BICDL1: variants seen among roughly 807,000 people sequenced by gnomAD.
The protein encoded by BICDL1 is BICD family-like cargo adapter 1.
In BICDL1, 20 loss-of-function variants were observed where a neutral mutation model predicts 76.8. That is an observed-to-expected ratio of 0.26 (90% CI 0.18 to 0.38). The LOEUF is 0.38. Ranked by LOEUF, BICDL1 falls within the 10% of genes least tolerant of loss-of-function variation. The pLI is 1.00. For missense variants in BICDL1, 700 were observed against 798.6 expected (o/e 0.88, Z 1.49); for synonymous variants, 383 against 337.1 (o/e 1.14, Z -1.49).
intron 1 of BICDL1, among the ~76,000 whole-genome samples, chr12:119,995,569 G>C (rs1026161123): frequency 6.6e-6 from 1 of 152,128 alleles, no homozygotes; most frequent in African/African-American, 2.4e-5. Flanking sequence ...CTGAGTTCTT[G>C]CCATTGCCTT....
chr12:120,086,780 C>T (rs1295176235), intron 8 of BICDL1, among the ~76,000 whole-genome samples: 1 of 152,172 alleles, frequency 6.6e-6, no homozygotes, highest in African/African-American at 2.4e-5. Flanking sequence ...TTATTCGAGC[C>T]CTTGGAATAT....
At chr12:120,076,619 TTC>T (rs778873671) in intron 7 of BICDL1, among the ~76,000 whole-genome samples, 8 of 152,226 alleles carry the variant, frequency 5.3e-5, no homozygotes, top group Non-Finnish European at 1.0e-4. Context: ...TTGCTGTGGA[TTC>T]TCTTTCAAAT....
intron 7 of BICDL1, among the ~76,000 whole-genome samples, 188 bp downstream of exon 7, chr12:120,074,774 C>A (rs571504831): frequency 9.2e-5 from 14 of 152,324 alleles, no homozygotes; most frequent in Non-Finnish European, 2.1e-4. Flanking sequence ...AGTCCTTTAG[C>A]CCAAAGTAAA....
intron 2 of BICDL1, among the ~76,000 whole-genome samples, chr12:120,023,799 A>G (rs1451638283): frequency 6.6e-6 from 1 of 151,876 alleles, no homozygotes; most frequent in Non-Finnish European, 1.5e-5. Context: ...CGAAAAAAAA[A>G]AAGGAAAAAA....
chr12:120,023,121 A>G (rs1182476511), intron 2 of BICDL1, among the ~76,000 whole-genome samples: 1 of 152,230 alleles, frequency 6.6e-6, no homozygotes, highest in Non-Finnish European at 1.5e-5. Flanking sequence ...GACCAGGGGT[A>G]TCCAATCTTT....
At chr12:120,012,111 T>G (rs1328881627) in intron 2 of BICDL1, among the ~76,000 whole-genome samples, 1 of 152,224 alleles carries the variant, frequency 6.6e-6, no homozygotes, top group African/African-American at 2.4e-5. Flanking sequence ...ATATTCATCC[T>G]TCTCTGGGAC....
At chr12:120,090,272 G>C (rs1228272972) in intron 9 of BICDL1, 9 of 601,694 alleles carry the variant, frequency 1.5e-5, no homozygotes, top group Non-Finnish European at 1.9e-5. Context: ...TTGAGCGACA[G>C]TGCCCAGGCT....
intron 2 of BICDL1, among the ~76,000 whole-genome samples, chr12:120,020,941 G>A (rs977483262): frequency 1.4e-5 from 2 of 146,010 alleles, no homozygotes; most frequent in Non-Finnish European, 2.9e-5. Context: ...GGCCATCTTT[G>A]TATGGCCCTT....
At chr12:120,042,342 T>C (rs1031833264) in intron 2 of BICDL1, among the ~76,000 whole-genome samples, 3 of 152,036 alleles carry the variant, frequency 2.0e-5, no homozygotes, top group Non-Finnish European at 4.4e-5. Context: ...GATTCCTGTT[T>C]GGGGCCCAAA....
Position 120,086,984 on chromosome 12 carries a change from C to T in BICDL1, c.1584-2967C>T, listed in dbSNP as rs189164166. On this transcript the variant is annotated intron_variant, in intron 8 of 9. Transcript: ENST00000548673. ...CCCCACCATGCCCGGCGCTGCGCCG[C>T]GGCTGTAGCCCTGGGCCCATCTGTC... Among the ~76,000 whole-genome samples, 594 of 152,306 alleles carry T rather than the reference C, an allele frequency of 3.9e-3. 2 individuals carry two copies. Among genetic ancestry groups the T allele is most frequent in the African/African-American group, 0.011 (475 of 41,558 alleles).
chr12:120,070,754 G>T (rs1594196755), intron 4 of BICDL1, among the ~76,000 whole-genome samples: 1 of 148,138 alleles, frequency 6.8e-6, no homozygotes, highest in African/African-American at 2.5e-5. Flanking sequence ...TTTTTGAGAC[G>T]GAGTTTCATT....
chr12:119,990,337 C>G (rs1007105444), intron 1 of BICDL1, 40 bp downstream of exon 1: 1 of 1,542,720 alleles, frequency 6.5e-7, no homozygotes, highest in African/African-American at 1.4e-5. Context: ...GAGCAGGGGC[C>G]GCCCAGGCAC....
At chr12:120,038,367 G>T (rs1039814901) in intron 2 of BICDL1, among the ~76,000 whole-genome samples, 13 of 152,096 alleles carry the variant, frequency 8.5e-5, no homozygotes, top group African/African-American at 2.9e-4. Flanking sequence ...TCAGTAATAA[G>T]AAATGACTTA....
chr12:119,999,826 A>G (rs1310732240), intron 2 of BICDL1: 1 of 439,266 alleles, frequency 2.3e-6, no homozygotes, highest in Non-Finnish European at 4.5e-6. Context: ...AAAACTACCA[A>G]CTCTTCAGTT....
At chr12:120,091,699 G>A in intron 9 of BICDL1, 1 of 985,266 alleles carries the variant, frequency 1.0e-6, no homozygotes. Context: ...GCGCGTGAGG[G>A]GTCCACACTC....
intron 2 of BICDL1, among the ~76,000 whole-genome samples, chr12:120,043,590 A>G (rs546178724): frequency 6.6e-6 from 1 of 152,380 alleles, no homozygotes; most frequent in African/African-American, 2.4e-5. Context: ...TACTTGAGCC[A>G]TGGAGATGAC....
chr12:120,018,612 CTG>C (rs2138699696), intron 2 of BICDL1, among the ~76,000 whole-genome samples: 1 of 152,074 alleles, frequency 6.6e-6, no homozygotes, highest in South Asian at 2.1e-4. Flanking sequence ...TATTTTGGCT[CTG>C]TTGATTACCA....
chr12:120,091,467 CG>C, intron 9 of BICDL1: 1 of 998,572 alleles, frequency 1.0e-6, no homozygotes, highest in Non-Finnish European at 1.2e-6. Context: ...CTGAGCACGT[CG>C]TAAGTGCAGG....
chr12:120,089,583 T>C (rs1281131312), intron 8 of BICDL1, among the ~76,000 whole-genome samples: 1 of 152,004 alleles, frequency 6.6e-6, no homozygotes, highest in South Asian at 2.1e-4. Context: ...GGTTTCTCCA[T>C]GTTGGTCAGG....
Sources: allele counts gnomAD v4.1 joint callset (sites outside exome capture counted in the v4.1 genomes callset), GRCh38; gene constraint gnomAD v4.1.1; transcripts MANE v1.5; gene names NCBI Gene and HGNC (gene_info 2026-07-23, HGNC 2026-07-21).